KLB: variants seen among roughly 807,000 people sequenced by gnomAD.
The protein encoded by KLB is klotho beta.
Under a neutral mutation model 88.4 loss-of-function variants are expected in KLB, and 44 were observed. The observed-to-expected ratio is 0.50, with a 90% CI of 0.39 to 0.64. The LOEUF (loss-of-function observed/expected upper bound fraction) is 0.64. Among genes scored for constraint, KLB ranks in the 30% least tolerant of loss-of-function variants. The probability of loss-of-function intolerance (pLI) is 0.00; values close to 1 mark genes in which losing one functional copy is unlikely to be tolerated. For missense variants in KLB, 1,137 were observed against 1,304.8 expected (o/e 0.87, Z 1.98); for synonymous variants, 548 against 513.4 (o/e 1.07, Z -0.91).
rs769587208 is a variant in KLB, at chr4:39,407,738, A to T, written c.789A>T (p.Leu263Phe). The change falls in exon 1 of 5, where the codon TTA becomes TTT. Residue 263 changes from leucine to phenylalanine, a missense_variant. Physicochemically the swap from Leu to Phe is conservative, Grantham distance 22. Coordinates refer to ENST00000257408, the MANE Select transcript of KLB (RefSeq NM_175737.4). ...ATGCCCCTGGAGAGAAGGGAAATTT[A>T]GCAGCTGTCTACACTGTGGGACACA... ...GMHAPGEKGN[L>F]AAVYTVGHNL... The T allele has an allele frequency of 1.3e-5, 21 of 1,606,616 alleles. No homozygotes were observed. Among genetic ancestry groups the T allele is most frequent in the South Asian group, 4.4e-5 (4 of 90,858 alleles).
At chr4:39,439,421 C>T (rs979976712) in intron 3 of KLB, among the ~76,000 whole-genome samples, 1 of 151,816 alleles carries the variant, frequency 6.6e-6, no homozygotes, top group African/African-American at 2.4e-5. Flanking sequence ...CACAATACCA[C>T]ACCACAATAT....
intron 1 of KLB, among the ~76,000 whole-genome samples, chr4:39,432,053 G>A (rs777196311): frequency 3.3e-5 from 5 of 152,176 alleles, no homozygotes; most frequent in Admixed American, 1.3e-4. Flanking sequence ...TTGGGAGGCC[G>A]AGGTGTGTGG....
At chr4:39,433,939 C>T (rs1743416168) in intron 1 of KLB, among the ~76,000 whole-genome samples, 1 of 152,084 alleles carries the variant, frequency 6.6e-6, no homozygotes, top group Admixed American at 6.6e-5. Context: ...CACACTACCC[C>T]AAGAGGGCCC....
At chr4:39,430,212 A>G (rs1035035880) in intron 1 of KLB, among the ~76,000 whole-genome samples, 2 of 152,176 alleles carry the variant, frequency 1.3e-5, no homozygotes, top group Non-Finnish European at 2.9e-5. Flanking sequence ...AAGGCTCACA[A>G]TCCAGGCTAC....
At chr4:39,423,811 G>GC (rs1437787145) in intron 1 of KLB, among the ~76,000 whole-genome samples, 1 of 151,660 alleles carries the variant, frequency 6.6e-6, no homozygotes, top group Non-Finnish European at 1.5e-5. Flanking sequence ...CACTGCACGA[G>GC]CCTGAGACTT....
At chr4:39,424,001 C>A (rs928304637) in intron 1 of KLB, among the ~76,000 whole-genome samples, 2 of 151,608 alleles carry the variant, frequency 1.3e-5, no homozygotes, top group African/African-American at 2.4e-5. Context: ...CCTGTCTCTG[C>A]AAAAATAAAT....
At chr4:39,445,546 C>T (rs113095112) in intron 3 of KLB, among the ~76,000 whole-genome samples, 21,715 of 138,206 alleles carry the variant, frequency 0.16, 2,017 homozygotes, top group Middle Eastern at 0.25. Context: ...CTCTTGTTGC[C>T]GAGGCTGGAG....
chr4:39,424,917 C>T (rs367647508), intron 1 of KLB, among the ~76,000 whole-genome samples: 15 of 152,046 alleles, frequency 9.9e-5, no homozygotes, highest in African/African-American at 3.6e-4. Context: ...GTGAGAGCTA[C>T]TGTGCCAGGC....
At chr4:39,425,865 G>C (rs1387631685) in intron 1 of KLB, among the ~76,000 whole-genome samples, 1 of 152,002 alleles carries the variant, frequency 6.6e-6, no homozygotes, top group African/African-American at 2.4e-5. Flanking sequence ...TGCCTGTAAT[G>C]TCAGCACTTT....
rs1743891418 is a variant in KLB, at chr4:39,451,242, CTAAA to C, written c.*2559_*2562del. The C allele has an allele frequency of 2.6e-5, 4 of 152,290 alleles. No homozygotes were observed. The highest frequency in any genetic ancestry group is 2.1e-4 in the South Asian group (1 of 4,830). 9.4% of individuals were successfully genotyped at this position (152,290 alleles called of 1,614,324 possible). ...TTAATCTGGCTCATGCTCTATCATA[CTAAA>C]TATTCAGGTTTATCATAAACTCCTT... On this transcript the variant is annotated 3_prime_UTR_variant, in exon 5 of 5. Transcript: ENST00000257408.
chr4:39,427,482 C>CA (rs35351344), intron 1 of KLB, among the ~76,000 whole-genome samples: 10,462 of 117,780 alleles, frequency 0.089, 1,102 homozygotes, highest in African/African-American at 0.27. Flanking sequence ...GACTCTGTCT[C>CA]AAAAAAAAAA....
chr4:39,442,579 GC>G (rs1017685035), intron 3 of KLB, among the ~76,000 whole-genome samples: 1 of 151,752 alleles, frequency 6.6e-6, no homozygotes, highest in Non-Finnish European at 1.5e-5. Context: ...GATTACAGGT[GC>G]CCCCCACCAT....
chr4:39,431,559 G>A (rs1016526934), intron 1 of KLB, among the ~76,000 whole-genome samples: 42 of 152,268 alleles, frequency 2.8e-4, no homozygotes, highest in Non-Finnish European at 5.9e-4. Context: ...CCCGAGGAAA[G>A]CATTCTTAAG....
At chr4:39,428,428 CAAAAA>C (rs35029761) in intron 1 of KLB, among the ~76,000 whole-genome samples, 1 of 136,234 alleles carries the variant, frequency 7.3e-6, no homozygotes. Context: ...AACTACGTCT[CAAAAA>C]AAAAAAAAAG....
intron 2 of KLB, among the ~76,000 whole-genome samples, chr4:39,436,065 A>T (rs1422539471): frequency 1.3e-5 from 2 of 152,202 alleles, no homozygotes. Flanking sequence ...CTTCTCTATT[A>T]CTCAAGTAGT....
chr4:39,418,654 A>G (rs1743013614), intron 1 of KLB, among the ~76,000 whole-genome samples: 1 of 151,856 alleles, frequency 6.6e-6, no homozygotes. Flanking sequence ...ACAGTATAAG[A>G]AATACTGATC....
chr4:39,447,148 G>C lies in KLB; in HGVS notation c.2422G>C (p.Glu808Gln). 6.2e-7 allele frequency: 1 copy of C among 1,613,716 alleles called. No homozygotes were observed. Among genetic ancestry groups the C allele is most frequent in the Non-Finnish European group, 8.5e-7 (1 of 1,180,032 alleles). The change falls in exon 4 of 5, where the codon GAG (glutamate) becomes CAG (glutamine). Residue 808 changes from glutamate to glutamine, a missense_variant. Physicochemically the swap from Glu to Gln is conservative, Grantham distance 29 (BLOSUM62 2). Transcript: ENST00000257408. ...LSSSALPRLT[E>Q]AERRLLKGTV... ...CAGCTCGGCCCTGCCGCGCCTCACC[G>C]AGGCCGAAAGGAGGCTGCTCAAGGG...
chr4:39,413,298 A>T (rs942566809), intron 1 of KLB, among the ~76,000 whole-genome samples: 42 of 152,200 alleles, frequency 2.8e-4, no homozygotes, highest in Non-Finnish European at 2.4e-4. Context: ...AATAATTTAA[A>T]TTTGTACATT....
intron 3 of KLB, among the ~76,000 whole-genome samples, chr4:39,439,898 C>T (rs1397310351): frequency 6.6e-6 from 1 of 152,010 alleles, no homozygotes; most frequent in Non-Finnish European, 1.5e-5. Context: ...GAAATCCTGA[C>T]CTCAGGTTAT....
Sources: gnomAD v4.1 joint callset for allele counts (sites outside exome capture counted in the v4.1 genomes callset) on GRCh38, gnomAD v4.1.1 for gene constraint, MANE v1.5 for transcripts, NCBI Gene and HGNC (gene_info 2026-07-23, HGNC 2026-07-21) for gene names.